Variants in KAZN observed in about 807,000 individuals in gnomAD.
KAZN encodes kazrin.
Under a neutral mutation model 87.4 loss-of-function variants are expected in KAZN, and 40 were observed. That is an observed-to-expected ratio of 0.46 (90% CI 0.36 to 0.60). The LOEUF (loss-of-function observed/expected upper bound fraction) is 0.60, where lower values mean the gene tolerates loss of function less well. Ranked by LOEUF, KAZN falls within the 20% of genes least tolerant of loss-of-function variation. The probability of loss-of-function intolerance (pLI) is 0.00; values close to 1 mark genes in which losing one functional copy is unlikely to be tolerated. For synonymous variants in KAZN, 466 were observed against 458.3 expected (o/e 1.02, Z -0.22); for missense variants, 898 against 1,073.9 (o/e 0.84, Z 2.29).
At chr1:14,245,041 G>T (rs886195443) in intron 2 of KAZN, among the ~76,000 whole-genome samples, 1 of 151,710 alleles carries the variant, frequency 6.6e-6, no homozygotes, top group Non-Finnish European at 1.5e-5. Context: ...GCTCACTACT[G>T]CCTCCACCTC....
intron 1 of KAZN, among the ~76,000 whole-genome samples, chr1:14,679,235 C>T (rs780494263): frequency 1.8e-4 from 27 of 151,566 alleles, no homozygotes; most frequent in Non-Finnish European, 2.6e-4. Flanking sequence ...GGTCGGTTAG[C>T]AGGCTGAAGG....
chr1:13,995,995 G>A (rs563466297), intron 1 of KAZN, among the ~76,000 whole-genome samples: 12 of 152,320 alleles, frequency 7.9e-5, no homozygotes, highest in African/African-American at 2.9e-4. Context: ...ATAAGCATGT[G>A]AATCCTTTAC....
chr1:14,875,753 G>A (rs1257051471), intron 1 of KAZN, among the ~76,000 whole-genome samples: 2 of 152,152 alleles, frequency 1.3e-5, no homozygotes, highest in Non-Finnish European at 2.9e-5. Flanking sequence ...GGGCTCCTTC[G>A]CCCAACCCTC....
chr1:14,887,253 A>G (rs1418624105), intron 1 of KAZN, among the ~76,000 whole-genome samples: 1 of 152,150 alleles, frequency 6.6e-6, no homozygotes, highest in Admixed American at 6.5e-5. Flanking sequence ...TAAACTGATT[A>G]AATAATTATT....
At chr1:14,398,332 G>A (rs989699884) in intron 2 of KAZN, among the ~76,000 whole-genome samples, 2 of 152,168 alleles carry the variant, frequency 1.3e-5, no homozygotes, top group African/African-American at 4.8e-5. Context: ...TCCTGGCTCC[G>A]CCACTTACTA....
chr1:14,436,139 G>A (rs1333551163), intron 2 of KAZN, among the ~76,000 whole-genome samples: 1 of 152,076 alleles, frequency 6.6e-6, no homozygotes, highest in Non-Finnish European at 1.5e-5. Flanking sequence ...TGAGGCAGGA[G>A]ACTCGCTTGA....
At chr1:14,848,522 C>A (rs1199127954) in intron 1 of KAZN, among the ~76,000 whole-genome samples, 1 of 152,202 alleles carries the variant, frequency 6.6e-6, no homozygotes, top group African/African-American at 2.4e-5. Flanking sequence ...AAAGACAACT[C>A]CTTGTCGAGG....
intron 2 of KAZN, among the ~76,000 whole-genome samples, chr1:14,967,122 C>T (rs1227736265): frequency 6.6e-6 from 1 of 152,190 alleles, no homozygotes; most frequent in African/African-American, 2.4e-5. Flanking sequence ...ACCAGAAGCT[C>T]AGGGACCTTG....
chr1:14,920,001 T>C (rs1169669035), intron 1 of KAZN, among the ~76,000 whole-genome samples: 2 of 152,346 alleles, frequency 1.3e-5, no homozygotes, highest in Admixed American at 6.5e-5. Context: ...TCATTCTGCC[T>C]CTGTCCCTGT....
intron 1 of KAZN, among the ~76,000 whole-genome samples, chr1:14,138,800 A>G (rs1645167489): frequency 6.6e-6 from 1 of 152,218 alleles, no homozygotes; most frequent in South Asian, 2.1e-4. Flanking sequence ...TAGTGGAATG[A>G]ATGGGCAAGG....
At chr1:15,103,999 C>A (rs1395698572) in intron 12 of KAZN, 24 bp from the exon 13 acceptor site, 5 of 1,607,300 alleles carry the variant, frequency 3.1e-6, no homozygotes, top group African/African-American at 2.7e-5. Flanking sequence ...TGCAGGCTAA[C>A]AAGTCCCCTG....
chr1:15,058,803 G>A (rs566564634), intron 5 of KAZN, among the ~76,000 whole-genome samples: 3 of 152,168 alleles, frequency 2.0e-5, no homozygotes, highest in South Asian at 2.1e-4. Flanking sequence ...GACAGATCAC[G>A]AGGTCAGGAG....
intron 8 of KAZN, among the ~76,000 whole-genome samples, chr1:15,086,461 T>C (rs1019165481): frequency 6.6e-6 from 1 of 152,182 alleles, no homozygotes; most frequent in African/African-American, 2.4e-5. Flanking sequence ...ACAGACTTTC[T>C]TCAGATAGGC....
chr1:14,372,475 A>C (rs1292018031), intron 2 of KAZN, among the ~76,000 whole-genome samples: 1 of 152,228 alleles, frequency 6.6e-6, no homozygotes, highest in African/African-American at 2.4e-5. Context: ...TGTATGTTGC[A>C]GGATGTCCAG....
At chr1:14,262,881 A>T (rs1039482934) in intron 2 of KAZN, among the ~76,000 whole-genome samples, 1 of 152,200 alleles carries the variant, frequency 6.6e-6, no homozygotes, top group African/African-American at 2.4e-5. Flanking sequence ...GGGGTGTTTT[A>T]TTCCCCTTTA....
At chr1:15,112,587 A>AAGGTCTTTTTTTTCGTCTCCCAGCGGC in intron 14 of KAZN, 46 bp downstream of exon 14, 1 of 1,293,608 alleles carries the variant, frequency 7.7e-7, no homozygotes, top group Non-Finnish European at 1.1e-6. Flanking sequence ...AGACCCGGGA[A>AAGGTCTTTTTTTTCGTCTCCCAGCGGC]AGGTCTTTTT....
chr1:14,259,191 G>C (rs971701610), intron 2 of KAZN, among the ~76,000 whole-genome samples: 1 of 152,044 alleles, frequency 6.6e-6, no homozygotes, highest in African/African-American at 2.4e-5. Context: ...TCCTGGCTCC[G>C]CACTTGGTGT....
intron 1 of KAZN, among the ~76,000 whole-genome samples, chr1:14,686,343 G>A (rs753603498): frequency 1.7e-4 from 26 of 152,100 alleles, no homozygotes; most frequent in Admixed American, 1.3e-4. Context: ...GATTACAGGC[G>A]TGAGCCACCA....
chr1:14,638,398 G>A (rs930591733), intron 1 of KAZN, among the ~76,000 whole-genome samples: 5 of 151,916 alleles, frequency 3.3e-5, no homozygotes, highest in Non-Finnish European at 5.9e-5. Flanking sequence ...GTGAAACCCC[G>A]TCTCTACTAA....
Sources: allele counts gnomAD v4.1 joint callset (sites outside exome capture counted in the v4.1 genomes callset), GRCh38; gene constraint gnomAD v4.1.1; transcripts MANE v1.5; gene names NCBI Gene and HGNC (gene_info 2026-07-23, HGNC 2026-07-21).